Variants in DDX10 observed in about 807,000 individuals in gnomAD.
DDX10 encodes the protein DEAD-box helicase 10.
DDX10 carries 74 observed loss-of-function variants against 104.3 expected under a neutral mutation model. The observed-to-expected ratio is 0.71, with a 90% confidence interval of 0.59 to 0.86. DDX10 has a LOEUF of 0.86. DDX10 is among the 40% of genes least tolerant of loss of function. DDX10 has a pLI of 0.00. For missense variants in DDX10, 952 were observed against 1,040.0 expected (o/e 0.92, Z 1.16); for synonymous variants, 351 against 353.4 (o/e 0.99, Z 0.08).
intron 1 of DDX10, among the ~76,000 whole-genome samples, chr11:108,669,164 GCTCA>G (rs976712024): frequency 1.3e-5 from 2 of 151,566 alleles, no homozygotes; most frequent in Non-Finnish European, 2.9e-5. Context: ...CACCATCATG[GCTCA>G]CTGTAGCCTT....
chr11:108,821,914 G>A (rs1426649668), intron 13 of DDX10, among the ~76,000 whole-genome samples: 1 of 152,186 alleles, frequency 6.6e-6, no homozygotes, highest in Non-Finnish European at 1.5e-5. Flanking sequence ...TAAGAGGCAA[G>A]TGAACATGAA....
At chr11:108,933,133 G>T (rs1158522197) in intron 17 of DDX10, among the ~76,000 whole-genome samples, 3 of 151,978 alleles carry the variant, frequency 2.0e-5, no homozygotes, top group African/African-American at 4.8e-5. Context: ...GTACAACTCG[G>T]ACAAGTGAGA....
chr11:108,748,555 T>C (rs532063192), intron 13 of DDX10, among the ~76,000 whole-genome samples: 21 of 152,346 alleles, frequency 1.4e-4, no homozygotes, highest in African/African-American at 4.8e-4. Context: ...CAGAATGTAC[T>C]GATTACAACC....
At chr11:108,740,950 G>A (rs1396526008) in intron 13 of DDX10, among the ~76,000 whole-genome samples, 2 of 152,128 alleles carry the variant, frequency 1.3e-5, no homozygotes, top group East Asian at 3.9e-4. Context: ...TTACATTTAA[G>A]TCATTAATCT....
At chr11:108,797,382 C>T (rs1861959141) in intron 13 of DDX10, among the ~76,000 whole-genome samples, 2 of 152,112 alleles carry the variant, frequency 1.3e-5, no homozygotes, top group Admixed American at 1.3e-4. Flanking sequence ...TACGGCAGCG[C>T]AAAATGGAGT....
chr11:108,790,482 G>C (rs1190447555), intron 13 of DDX10, among the ~76,000 whole-genome samples: 3 of 152,112 alleles, frequency 2.0e-5, no homozygotes, highest in Non-Finnish European at 4.4e-5. Context: ...TATCAAAATT[G>C]ATTCCCTTCT....
chr11:108,797,520 A>G (rs1182589911), intron 13 of DDX10, among the ~76,000 whole-genome samples: 1 of 152,232 alleles, frequency 6.6e-6, no homozygotes, highest in Non-Finnish European at 1.5e-5. Flanking sequence ...AATGATTTAT[A>G]TTACAAAAAG....
At chr11:108,922,923 T>C (rs767535792) in intron 17 of DDX10, among the ~76,000 whole-genome samples, 1 of 152,254 alleles carries the variant, frequency 6.6e-6, no homozygotes, top group African/African-American at 2.4e-5. Flanking sequence ...TGGGGCCAGA[T>C]GTCCAAACTC....
chr11:108,798,980 G>A (rs1861982331), intron 13 of DDX10, among the ~76,000 whole-genome samples: 1 of 152,120 alleles, frequency 6.6e-6, no homozygotes. Flanking sequence ...TGATAGAAAT[G>A]TGAATGACAA....
At chr11:108,670,600 C>A (rs959396085) in intron 1 of DDX10, among the ~76,000 whole-genome samples, 1 of 152,196 alleles carries the variant, frequency 6.6e-6, no homozygotes, top group Non-Finnish European at 1.5e-5. Context: ...CTTCTCACAG[C>A]AGGAGGGTGG....
At chr11:108,904,061 T>A (rs1284278862) in intron 16 of DDX10, among the ~76,000 whole-genome samples, 4 of 152,118 alleles carry the variant, frequency 2.6e-5, no homozygotes, top group African/African-American at 9.7e-5. Flanking sequence ...CTTGAGTCAT[T>A]GGTATTATAA....
At position 108,673,527 on chromosome 11, in the gene DDX10, G is replaced by A. The variant is rs772049681; in HGVS notation, c.247G>A (p.Gly83Ser). ...DFPLSKKTLK[G>S]LQEAQYRLVT... The stretch of plus-strand genomic sequence containing the variant: ...TCCCTTGTCCAAAAAAACATTGAAA[G>A]GTAAGTATATGGTGATCTTGGGATG... Residue 83 changes from glycine (G) to serine (S), a missense_variant and splice_region_variant, in exon 2 of 18, where the codon GGT (glycine) becomes AGT (serine). This residue lies in a region of DDX10 where 412 missense variants were observed against 479.2 expected (regional missense o/e 0.86). Coordinates refer to ENST00000322536, the MANE Select transcript of DDX10 (RefSeq NM_004398.4). 2 of 1,586,880 alleles carry A rather than the reference G, an allele frequency of 1.3e-6. No individual in the cohort carries two copies. The highest frequency in any genetic ancestry group is 1.7e-6 in the Non-Finnish European group (2 of 1,156,222).
At chr11:108,716,074 G>A (rs746612394) in intron 11 of DDX10, 108 bp downstream of exon 11, 4 of 691,822 alleles carry the variant, frequency 5.8e-6, no homozygotes, top group Admixed American at 5.5e-5. Flanking sequence ...TTCAAGCAGT[G>A]TAATTTGCTG....
chr11:108,710,137 C>T (rs1166335205), intron 10 of DDX10, among the ~76,000 whole-genome samples: 3 of 152,160 alleles, frequency 2.0e-5, no homozygotes, highest in African/African-American at 7.2e-5. Context: ...GCATAGGGCA[C>T]TTACCACAGT....
At chr11:108,742,458 A>C (rs1013283733) in intron 13 of DDX10, among the ~76,000 whole-genome samples, 4 of 139,634 alleles carry the variant, frequency 2.9e-5, no homozygotes, top group African/African-American at 5.4e-5. Context: ...TCAGCTACTC[A>C]GGAGGCTGAG....
intron 2 of DDX10, 148 bp from the exon 3 acceptor site, chr11:108,675,448 A>G: frequency 1.2e-6 from 1 of 800,286 alleles, no homozygotes; most frequent in Non-Finnish European, 1.9e-6. Context: ...CAACCTCTTT[A>G]AAGGCCCTGT....
chr11:108,713,459 A>G (rs1187887052), intron 10 of DDX10, among the ~76,000 whole-genome samples: 2 of 152,096 alleles, frequency 1.3e-5, no homozygotes, highest in African/African-American at 4.8e-5. Flanking sequence ...CATCAAAGGT[A>G]TTAGTAATAT....
chr11:108,803,702 ATATACT>A (rs771083950), intron 13 of DDX10, among the ~76,000 whole-genome samples: 6 of 152,166 alleles, frequency 3.9e-5, no homozygotes, highest in Non-Finnish European at 8.8e-5. Flanking sequence ...TTCATGTGAA[ATATACT>A]TAAAGTGTAA....
At chr11:108,667,252 G>A (rs776254439) in intron 1 of DDX10, among the ~76,000 whole-genome samples, 19 of 152,206 alleles carry the variant, frequency 1.2e-4, no homozygotes, top group Non-Finnish European at 2.2e-4. Context: ...TTGTTTTTCA[G>A]TAAAACTTTA....
Sources: gnomAD v4.1 joint callset for allele counts (sites outside exome capture counted in the v4.1 genomes callset) on GRCh38, gnomAD v4.1.1 for gene constraint, gnomAD v4.1.1 regional missense constraint, MANE v1.5 for transcripts, NCBI Gene and HGNC (gene_info 2026-07-23, HGNC 2026-07-21) for gene names.